Variants in NUTM2B observed in about 807,000 individuals in gnomAD.
The protein encoded by NUTM2B is NUT family member 2B.
A neutral mutation model predicts 42.4 loss-of-function variants in NUTM2B; 2 were observed. The observed-to-expected ratio is 0.05, with a 90% CI of 0.02 to 0.15. The LOEUF (loss-of-function observed/expected upper bound fraction) is 0.15. Among genes scored for constraint, NUTM2B ranks in the 10% least tolerant of loss-of-function variants. NUTM2B has a pLI of 1.00. For missense variants in NUTM2B, 58 were observed against 952.6 expected (o/e 0.06, Z 12.36); for synonymous variants, 18 against 402.4 (o/e 0.04, Z 11.43).
chr10:79,703,403 A>AATAGTGGCTG lies in NUTM2B; in HGVS notation c.-202_-201insGGCTGATAGT. The AATAGTGGCTG allele has an allele frequency of 3.4e-5, 3 of 89,466 alleles. No individual in the cohort carries two copies. The highest frequency in any genetic ancestry group is 5.0e-5 in the Non-Finnish European group (3 of 60,494). 5.5% of individuals were successfully genotyped at this position (89,466 alleles called of 1,614,324 possible). A position where few individuals can be genotyped will look rare whatever the true frequency, so the allele number is the denominator to read the frequency against. On this transcript the variant is annotated 5_prime_UTR_variant, in exon 1 of 7. An upstream open reading frame in the 5' UTR gains an earlier in-frame stop. Transcript: ENST00000429828. ...AACAATGATAAGCACACAGCCACCT[A>AATAGTGGCTG]ATAGTCTGGATCGGCTGAGACCATC...
upstream of NUTM2B, among the ~76,000 whole-genome samples, chr10:79,698,446 CATCT>C (rs1840261611): frequency 7.1e-6 from 1 of 141,058 alleles, no homozygotes; most frequent in Non-Finnish European, 1.5e-5. Flanking sequence ...TTAGATAATT[CATCT>C]ATCTGCTGAT....
At chr10:79,698,161 AATAC>A in the NUTM2B span, among the ~76,000 whole-genome samples, 8 of 117,186 alleles carry the variant, frequency 6.8e-5, no homozygotes, top group Non-Finnish European at 5.2e-5. Flanking sequence ...AAACCCATAC[AATAC>A]AAAAAAAAAA....
upstream of NUTM2B, among the ~76,000 whole-genome samples, chr10:79,700,843 C>G (rs969919907): frequency 6.6e-6 from 1 of 152,170 alleles, no homozygotes; most frequent in African/African-American, 2.4e-5. Flanking sequence ...GGAGCCCGCC[C>G]TAGGAGGGCC....
chr10:79,710,858 G>A, intron 5 of NUTM2B, 94 bp downstream of exon 5: 2 of 1,112,616 alleles, frequency 1.8e-6, no homozygotes, highest in South Asian at 1.8e-5. Flanking sequence ...CTACTCAGCA[G>A]TGTGTGTATT....
At chr10:79,694,423 G>GA in the NUTM2B span, among the ~76,000 whole-genome samples, 1 of 147,452 alleles carries the variant, frequency 6.8e-6, no homozygotes, top group East Asian at 2.1e-4. Context: ...GAAAGAAAAG[G>GA]AAAAAAAAGA....
upstream of NUTM2B, among the ~76,000 whole-genome samples, chr10:79,699,783 C>T (rs567992396): frequency 1.2e-3 from 188 of 152,234 alleles, no homozygotes; most frequent in Non-Finnish European, 2.0e-3. Flanking sequence ...CACACAGACA[C>T]CACCAACCCA....
chr10:79,701,871 CA>C (rs1194515037), upstream of NUTM2B, among the ~76,000 whole-genome samples: 1 of 146,532 alleles, frequency 6.8e-6, no homozygotes, highest in Admixed American at 6.9e-5. Context: ...GACACTTCCA[CA>C]ATATATTTTT....
At chr10:79,696,350 A>T in the NUTM2B span, among the ~76,000 whole-genome samples, 516 of 152,180 alleles carry the variant, frequency 3.4e-3, 3 homozygotes, top group South Asian at 0.028. Context: ...AGTACAAGCC[A>T]GCTCCAGCAC....
the NUTM2B span, among the ~76,000 whole-genome samples, chr10:79,693,899 T>C: frequency 3.5e-4 from 53 of 152,246 alleles, no homozygotes; most frequent in African/African-American, 1.2e-3. Flanking sequence ...GCACATTTTA[T>C]TGGCAAGAGG....
chr10:79,707,331 T>C (rs1373820338), intron 2 of NUTM2B, among the ~76,000 whole-genome samples: 1 of 132,062 alleles, frequency 7.6e-6, no homozygotes, highest in East Asian at 2.6e-4. Flanking sequence ...ATTCAGAGGA[T>C]GGTGAAGAGA....
the NUTM2B span, among the ~76,000 whole-genome samples, chr10:79,696,585 C>T: frequency 2.0e-5 from 3 of 151,882 alleles, no homozygotes; most frequent in African/African-American, 7.3e-5. Context: ...ACAAACCATC[C>T]GACAGTGCAC....
chr10:79,700,018 T>C (rs542176926), upstream of NUTM2B, among the ~76,000 whole-genome samples: 4 of 152,396 alleles, frequency 2.6e-5, no homozygotes, highest in South Asian at 2.1e-4. Context: ...TAGCCTACAA[T>C]TTACAAATAA....
chr10:79,693,077 T>A, the NUTM2B span, among the ~76,000 whole-genome samples: 1 of 152,150 alleles, frequency 6.6e-6, no homozygotes, highest in Non-Finnish European at 1.5e-5. Flanking sequence ...AAAGCCTGCC[T>A]CCCACTCCAT....
chr10:79,696,640 C>T, the NUTM2B span, among the ~76,000 whole-genome samples: 1 of 152,204 alleles, frequency 6.6e-6, no homozygotes, highest in Non-Finnish European at 1.5e-5. Flanking sequence ...AAGGGGAAAT[C>T]CCCAAATTCG....
At chr10:79,700,309 A>G, upstream of NUTM2B, among the ~76,000 whole-genome samples, 1 of 151,894 alleles carries the variant, frequency 6.6e-6, no homozygotes, top group Non-Finnish European at 1.5e-5. Flanking sequence ...CGGGGACAGG[A>G]GCTACTTCTT....
chr10:79,702,508 G>A (rs992176776), upstream of NUTM2B, among the ~76,000 whole-genome samples: 3 of 151,704 alleles, frequency 2.0e-5, no homozygotes, highest in Non-Finnish European at 4.4e-5. Context: ...TGCCCCTGCA[G>A]TGTGGCCGCT....
At chr10:79,693,630 C>G in the NUTM2B span, among the ~76,000 whole-genome samples, 1 of 152,216 alleles carries the variant, frequency 6.6e-6, no homozygotes, top group Non-Finnish European at 1.5e-5. Flanking sequence ...TACTTCTCCC[C>G]TAAAACTCAG....
chr10:79,700,698 G>A (rs549876019), upstream of NUTM2B, among the ~76,000 whole-genome samples: 22 of 152,192 alleles, frequency 1.4e-4, no homozygotes, highest in East Asian at 2.9e-3. Context: ...GTGGGTCACC[G>A]CCCTTTGCTC....
intron 3 of NUTM2B, among the ~76,000 whole-genome samples, chr10:79,709,557 C>T (rs1255371011): frequency 1.5e-5 from 2 of 129,828 alleles, no homozygotes; most frequent in East Asian, 5.2e-4. Context: ...TCCTGGACCT[C>T]GTGGCCCTGA....
Sources: allele counts gnomAD v4.1 joint callset (sites outside exome capture counted in the v4.1 genomes callset), GRCh38; gene constraint gnomAD v4.1.1; transcripts MANE v1.5; gene names NCBI Gene and HGNC (gene_info 2026-07-23, HGNC 2026-07-21).